SPINK6: variants seen among roughly 807,000 people sequenced by gnomAD.
SPINK6 encodes the protein serine peptidase inhibitor Kazal type 6.
SPINK6 carries 13 observed loss-of-function variants against 11.7 expected under a neutral mutation model. The observed-to-expected ratio is 1.11, with a 90% CI of 0.72 to 1.76. The LOEUF is 1.76. Among genes scored for constraint, SPINK6 ranks in the 40% most tolerant of loss-of-function variants. SPINK6 has a pLI of 0.00. For synonymous variants in SPINK6, 21 were observed against 31.9 expected (o/e 0.66, Z 1.15); for missense variants, 98 against 93.7 (o/e 1.05, Z -0.19).
rs1051321585 is a variant in SPINK6 at position 148,210,990 on chromosome 5, CTA to C, written c.82-2918_82-2917del. On this transcript the variant is annotated intron_variant, in intron 2 of 3. Coordinates refer to ENST00000325630, the MANE Select transcript of SPINK6 (RefSeq NM_205841.4). ...AGAGATGCCATTATATATCCCAAAT[CTA>C]TGTTTGTGTGATTGCAAATTTTCAT... is the stretch of plus-strand genomic sequence containing the variant. 7.7e-4 allele frequency among the ~76,000 whole-genome samples: 117 copies of C among 152,214 alleles called. 1 individual carries two copies. Among genetic ancestry groups the C allele is most frequent in the African/African-American group, 2.7e-3 (113 of 41,544 alleles).
At chr5:148,205,266 A>G (rs1755482865) in intron 1 of SPINK6, among the ~76,000 whole-genome samples, 1 of 152,282 alleles carries the variant, frequency 6.6e-6, no homozygotes, top group East Asian at 1.9e-4. Context: ...GGATTGGGAA[A>G]GGAGTCCCAT....
intron 2 of SPINK6, among the ~76,000 whole-genome samples, chr5:148,212,921 A>T (rs1755631714): frequency 6.8e-6 from 1 of 146,044 alleles, no homozygotes; most frequent in Non-Finnish European, 1.5e-5. Context: ...AAGAGTATAT[A>T]TGTACTTTAG....
chr5:148,209,993 T>C (rs35192792), intron 2 of SPINK6, among the ~76,000 whole-genome samples: 47,705 of 69,730 alleles, frequency 0.68, 15,457 homozygotes, highest in Middle Eastern at 0.73. Flanking sequence ...TGTATACATA[T>C]ACACGTATGT....
In SPINK6 at chr5:148,212,461, T is replaced by C. The variant is rs962545550; in HGVS notation, c.82-1449T>C. On this transcript the variant is annotated intron_variant, in intron 2 of 3. Transcript: ENST00000325630. ...GCTAGGGCAACAGAGGAAGACTCTA[T>C]CTCTAAAATACATATTTTTTATATA... is the stretch of plus-strand genomic sequence containing the variant. Among the ~76,000 whole-genome samples, 6 of 126,586 alleles carry C rather than the reference T, an allele frequency of 4.7e-5. No homozygotes were observed. In the East Asian group the frequency reaches 1.3e-3, roughly 28 times the overall value. The allele number at this position is 126,586 out of a possible 152,430, so 83.0% of individuals were successfully genotyped here.
At chr5:148,205,201 T>C (rs1361157272) in intron 1 of SPINK6, among the ~76,000 whole-genome samples, 1 of 152,156 alleles carries the variant, frequency 6.6e-6, no homozygotes, top group African/African-American at 2.4e-5. Flanking sequence ...TGGAGATGGA[T>C]TCCGCTAACC....
intron 2 of SPINK6, among the ~76,000 whole-genome samples, chr5:148,206,280 TA>T (rs144110222): frequency 0.016 from 2,405 of 152,150 alleles, 64 homozygotes; most frequent in African/African-American, 0.052. Flanking sequence ...TAAATATAAA[TA>T]AAAAATAGGA....
At chr5:148,206,142 T>C (rs1755495621) in intron 2 of SPINK6, 84 bp downstream of exon 2, 2 of 1,458,136 alleles carry the variant, frequency 1.4e-6, no homozygotes, top group Non-Finnish European at 1.9e-6. Flanking sequence ...TTGTCTATGG[T>C]TAACAGAGCA....
intron 3 of SPINK6, among the ~76,000 whole-genome samples, chr5:148,214,289 C>T (rs764317945): frequency 3.0e-4 from 46 of 152,134 alleles, no homozygotes; most frequent in Non-Finnish European, 5.0e-4. Flanking sequence ...AAAACATTCA[C>T]ACATCTTATA....
chr5:148,214,877 A>G, intron 3 of SPINK6, 28 bp from the exon 4 acceptor site: 2 of 1,595,528 alleles, frequency 1.3e-6, no homozygotes, highest in African/African-American at 2.7e-5. Flanking sequence ...TATTGCACTG[A>G]GTATATATTT....
Position 148,203,118 on chromosome 5 carries a change from C to T in SPINK6, c.22C>T (p.Leu8=), listed in dbSNP as rs374684020. Residue 8 remains leucine (L), a synonymous_variant, in exon 1 of 4, where the codon CTG becomes TTG. Transcript: ENST00000325630. The part of the protein sequence containing the change: MKLSGMF[L]LLSLALFCFL... ...CACAATGAAACTGTCAGGCATGTTT[C>T]TGCTCCTCTCTCTGGCTCTTTTCTG... 2.5e-5 allele frequency: 40 copies of T among 1,612,080 alleles called. No homozygotes were observed. The highest frequency in any genetic ancestry group is 1.5e-4 in the Admixed American group (9 of 59,446).
At chr5:148,209,991 T>TACACACGCACGTATGTATGTATAC (rs1398978551) in intron 2 of SPINK6, among the ~76,000 whole-genome samples, 5 of 145,510 alleles carry the variant, frequency 3.4e-5, no homozygotes, top group Admixed American at 6.8e-5. Flanking sequence ...TATGTATACA[T>TACACACGCACGTATGTATGTATAC]ATACACGTAT....
Position 148,215,042 on chromosome 5 carries a change from C to T in SPINK6, c.*92C>T. On this transcript the variant is annotated 3_prime_UTR_variant, in exon 4 of 4. Coordinates refer to ENST00000325630, the MANE Select transcript of SPINK6 (RefSeq NM_205841.4). ...CTTTTGCTGGTGGATTCCTTTAATTCATAAAGACATACCTACTCTGCCTGG... is the reference window on the plus strand; with the variant it reads ...CTTTTGCTGGTGGATTCCTTTAATTTATAAAGACATACCTACTCTGCCTGG... 1 of 1,207,138 alleles carries T rather than the reference C, an allele frequency of 8.3e-7. No homozygotes were observed. Among genetic ancestry groups the T allele is most frequent in the South Asian group, 1.2e-5 (1 of 80,672 alleles). 74.8% of individuals were successfully genotyped at this position (1,207,138 alleles called of 1,614,324 possible).
At chr5:148,206,136 C>T (rs1438435554) in intron 2 of SPINK6, 78 bp downstream of exon 2, 4 of 1,516,902 alleles carry the variant, frequency 2.6e-6, no homozygotes, top group Non-Finnish European at 3.7e-6. Context: ...AGAAATTTGT[C>T]TATGGTTAAC....
intron 3 of SPINK6, among the ~76,000 whole-genome samples, chr5:148,214,618 T>G (rs1182338166): frequency 6.6e-6 from 1 of 152,228 alleles, no homozygotes. Flanking sequence ...TCCTGTGACC[T>G]CTACCTTTTT....
chr5:148,210,434 A>G (rs556010278), intron 2 of SPINK6, among the ~76,000 whole-genome samples: 19 of 150,876 alleles, frequency 1.3e-4, no homozygotes, highest in African/African-American at 4.4e-4. Flanking sequence ...TTCTGCATAC[A>G]TATATATGTA....
chr5:148,207,771 T>C (rs12659499), intron 2 of SPINK6, among the ~76,000 whole-genome samples: 18,783 of 152,076 alleles, frequency 0.12, 3,375 homozygotes, highest in African/African-American at 0.39. Flanking sequence ...GGAGGTGCAG[T>C]GAGCCAAGAT....
chr5:148,209,725 T>C (rs1477170530), intron 2 of SPINK6, among the ~76,000 whole-genome samples: 1 of 151,914 alleles, frequency 6.6e-6, no homozygotes, highest in Admixed American at 6.6e-5. Context: ...AATTTGGAAC[T>C]GGCAAAGAAA....
At chr5:148,202,985 A>G, upstream of SPINK6, 2 of 696,488 alleles carry the variant, frequency 2.9e-6, no homozygotes, top group Non-Finnish European at 4.7e-6. Flanking sequence ...AAATGCATAA[A>G]CTGCATAGGA....
At chr5:148,204,417 G>C (rs982145163) in intron 1 of SPINK6, among the ~76,000 whole-genome samples, 1 of 150,526 alleles carries the variant, frequency 6.6e-6, no homozygotes, top group South Asian at 2.1e-4. Flanking sequence ...CTTTACAAAG[G>C]TGAATTGATC....
Sources: allele counts gnomAD v4.1 joint callset (sites outside exome capture counted in the v4.1 genomes callset), GRCh38; gene constraint gnomAD v4.1.1; transcripts MANE v1.5; gene names NCBI Gene and HGNC (gene_info 2026-07-23, HGNC 2026-07-21).